COLEC10: variants seen among roughly 807,000 people sequenced by gnomAD.
The protein encoded by COLEC10 is collectin subfamily member 10.
A neutral mutation model predicts 28.4 loss-of-function variants in COLEC10; 22 were observed. That is an observed-to-expected ratio of 0.78 (90% CI 0.55 to 1.11). The LOEUF is 1.11. COLEC10 is among the 50% of genes least tolerant of loss of function. The pLI, the probability that COLEC10 is intolerant of heterozygous loss-of-function variation, is 0.00. For synonymous variants in COLEC10, 125 were observed against 116.1 expected, an observed-to-expected ratio of 1.08 and a Z score of -0.49; for missense variants, 361 against 344.1, an observed-to-expected ratio of 1.05 and a Z score of -0.39.
chr8:119,028,430 G>C (rs927528621), intron 2 of COLEC10, among the ~76,000 whole-genome samples: 32 of 152,102 alleles, frequency 2.1e-4, no homozygotes, highest in African/African-American at 7.2e-4. Context: ...CATATGGCTG[G>C]GGAGGCCTCA....
chr8:119,054,026 T>C (rs186589759), intron 2 of COLEC10, among the ~76,000 whole-genome samples: 14 of 152,198 alleles, frequency 9.2e-5, no homozygotes, highest in Admixed American at 8.5e-4. Context: ...TTTGGAGCCA[T>C]GATTTAGTAC....
chr8:119,095,742 A>T (rs1233101301), intron 3 of COLEC10, among the ~76,000 whole-genome samples: 1 of 152,140 alleles, frequency 6.6e-6, no homozygotes, highest in Non-Finnish European at 1.5e-5. Flanking sequence ...AAATCCCAGA[A>T]GTGTTCTTTT....
chr8:119,066,227 G>C (rs190638501), upstream of COLEC10, among the ~76,000 whole-genome samples: 146 of 152,296 alleles, frequency 9.6e-4, no homozygotes, highest in African/African-American at 3.5e-3. Flanking sequence ...TTGAGATGCT[G>C]TTCAAGAATG....
chr8:118,996,139 G>T (rs903341995), intron 1 of COLEC10, among the ~76,000 whole-genome samples: 5 of 152,144 alleles, frequency 3.3e-5, no homozygotes, highest in African/African-American at 9.7e-5. Context: ...TGCTGTGTTT[G>T]TTCTTGTTTG....
At chr8:119,005,039 C>T (rs1174024807) in intron 1 of COLEC10, among the ~76,000 whole-genome samples, 1 of 152,056 alleles carries the variant, frequency 6.6e-6, no homozygotes, top group Non-Finnish European at 1.5e-5. Context: ...CCGTCAATGA[C>T]ATCTGCTAAA....
chr8:119,078,945 G>A (rs948413066), intron 1 of COLEC10, among the ~76,000 whole-genome samples: 2 of 149,790 alleles, frequency 1.3e-5, no homozygotes, highest in African/African-American at 4.9e-5. Context: ...ACAGAGTGTT[G>A]TAAATGTTTA....
chr8:118,964,624 C>A, the COLEC10 span, among the ~76,000 whole-genome samples: 1 of 152,054 alleles, frequency 6.6e-6, no homozygotes, highest in African/African-American at 2.4e-5. Flanking sequence ...AAGATATGAC[C>A]TGTTTATTTA....
At chr8:119,038,882 C>T (rs1313863687) in intron 2 of COLEC10, among the ~76,000 whole-genome samples, 3 of 152,118 alleles carry the variant, frequency 2.0e-5, no homozygotes, top group Non-Finnish European at 4.4e-5. Flanking sequence ...CCACTTGGCT[C>T]CAGTCACATT....
At chr8:119,081,336 G>C (rs1478562485) in intron 1 of COLEC10, among the ~76,000 whole-genome samples, 1 of 151,912 alleles carries the variant, frequency 6.6e-6, no homozygotes, top group African/African-American at 2.4e-5. Flanking sequence ...ATTATTTATT[G>C]CTTATATTTT....
chr8:119,032,869 C>G (rs549656527), intron 2 of COLEC10, among the ~76,000 whole-genome samples: 2 of 152,158 alleles, frequency 1.3e-5, no homozygotes, highest in Non-Finnish European at 2.9e-5. Context: ...GCCTCTGCAC[C>G]GGAGCCTGGG....
chr8:119,072,624 C>A (rs1176756864), intron 1 of COLEC10, among the ~76,000 whole-genome samples: 1 of 152,124 alleles, frequency 6.6e-6, no homozygotes, highest in Non-Finnish European at 1.5e-5. Flanking sequence ...GCCAGAGAGG[C>A]CCCTACACAG....
At chr8:118,952,757 C>G in the COLEC10 span, among the ~76,000 whole-genome samples, 2 of 152,286 alleles carry the variant, frequency 1.3e-5, no homozygotes, top group Non-Finnish European at 2.9e-5. Context: ...GTAGCCTCCT[C>G]GAGGTCTTTC....
At chr8:119,004,396 C>T (rs955899764) in intron 1 of COLEC10, among the ~76,000 whole-genome samples, 3 of 151,602 alleles carry the variant, frequency 2.0e-5, no homozygotes, top group Non-Finnish European at 4.4e-5. Flanking sequence ...AAGAGCTGCC[C>T]CTGAGAGAAG....
intron 2 of COLEC10, among the ~76,000 whole-genome samples, chr8:119,031,141 G>A (rs939545356): frequency 6.6e-6 from 1 of 152,196 alleles, no homozygotes; most frequent in African/African-American, 2.4e-5. Context: ...AGGGTACATG[G>A]AGCTTTCTAC....
intron 2 of COLEC10, among the ~76,000 whole-genome samples, chr8:119,010,071 C>G (rs1813877830): frequency 6.6e-6 from 1 of 150,790 alleles, no homozygotes; most frequent in South Asian, 2.1e-4. Context: ...ATTGTACATT[C>G]TGTGGGTTCA....
intron 2 of COLEC10, among the ~76,000 whole-genome samples, chr8:119,035,084 T>C (rs1428723859): frequency 1.3e-5 from 2 of 152,192 alleles, no homozygotes; most frequent in Non-Finnish European, 2.9e-5. Flanking sequence ...GTTTAGCCTC[T>C]TTACAGCACA....
the COLEC10 span, among the ~76,000 whole-genome samples, chr8:118,965,530 G>T: frequency 2.0e-5 from 3 of 151,930 alleles, no homozygotes; most frequent in Admixed American, 2.0e-4. Flanking sequence ...CTGGTGACCG[G>T]GGCTGAGCCA....
intron 2 of COLEC10, among the ~76,000 whole-genome samples, chr8:119,049,735 T>C (rs1422565981): frequency 1.3e-5 from 2 of 152,186 alleles, no homozygotes; most frequent in Non-Finnish European, 2.9e-5. Flanking sequence ...TTAACACTTA[T>C]TATAGGCTAC....
At chr8:119,018,824 TAGTA>T (rs1482944695) in intron 2 of COLEC10, among the ~76,000 whole-genome samples, 5 of 152,272 alleles carry the variant, frequency 3.3e-5, no homozygotes, top group Non-Finnish European at 5.9e-5. Context: ...ATTCCATAGG[TAGTA>T]AATCTTTTCC....
Sources: allele counts gnomAD v4.1 joint callset (sites outside exome capture counted in the v4.1 genomes callset), GRCh38; gene constraint gnomAD v4.1.1; transcripts MANE v1.5; gene names NCBI Gene and HGNC (gene_info 2026-07-23, HGNC 2026-07-21).